DPP10: variants seen among roughly 807,000 people sequenced by gnomAD.
DPP10 encodes the protein dipeptidyl peptidase like 10, also known as inactive dipeptidyl peptidase 10.
DPP10 carries 33 observed loss-of-function variants against 120.9 expected under a neutral mutation model. That is an observed-to-expected ratio of 0.27 (90% CI 0.21 to 0.37). The LOEUF (loss-of-function observed/expected upper bound fraction) is 0.37, where lower values mean the gene tolerates loss of function less well. DPP10 is among the 10% of genes least tolerant of loss of function. DPP10 has a pLI of 1.00. For missense variants in DPP10, 816 were observed against 942.8 expected (o/e 0.87, Z 1.76); for synonymous variants, 337 against 326.1 (o/e 1.03, Z -0.36).
At chr2:115,232,160 C>T (rs1032775086) in intron 1 of DPP10, among the ~76,000 whole-genome samples, 1 of 152,046 alleles carries the variant, frequency 6.6e-6, no homozygotes, top group Non-Finnish European at 1.5e-5. Context: ...ACCTTGGCAT[C>T]GGAAGGCTCC....
chr2:114,494,115 A>AAAAAAAAAAAAC (rs1558810512), intron 1 of DPP10, among the ~76,000 whole-genome samples: 24 of 142,612 alleles, frequency 1.7e-4, no homozygotes, highest in South Asian at 2.2e-4. Flanking sequence ...AAAAAAAAAA[A>AAAAAAAAAAAAC]AAAAAACCCA....
At chr2:115,829,148 G>A (rs537186343) in intron 21 of DPP10, among the ~76,000 whole-genome samples, 4 of 152,186 alleles carry the variant, frequency 2.6e-5, no homozygotes, top group African/African-American at 9.6e-5. Flanking sequence ...CTATCAAAAG[G>A]CTAAATGAGT....
At chr2:115,263,790 T>C (rs2059349775) in intron 1 of DPP10, among the ~76,000 whole-genome samples, 1 of 152,206 alleles carries the variant, frequency 6.6e-6, no homozygotes, top group South Asian at 2.1e-4. Context: ...TTGCCTTCCT[T>C]ATATACATGT....
intron 1 of DPP10, among the ~76,000 whole-genome samples, chr2:114,910,218 A>G (rs1475852196): frequency 1.3e-5 from 2 of 151,934 alleles, no homozygotes; most frequent in Admixed American, 1.3e-4. Flanking sequence ...GCACAAATAT[A>G]TTAATATTAC....
At position 115,072,817 on chromosome 2, in the gene DPP10, C is replaced by G. The variant is rs558355719; in HGVS notation, c.61-236422C>G. Among the ~76,000 whole-genome samples the G allele has an allele frequency of 9.7e-4, 148 of 152,206 alleles. 1 individual carries two copies. In the Middle Eastern group the frequency reaches 0.021, roughly 21 times the overall value. ...TTTTTTTTTGAGACAGAGTCTCAGT[C>G]TGTCACCCAGGCTGGAGTGCAGTGG... On this transcript the variant is annotated intron_variant, in intron 1 of 25. Coordinates refer to ENST00000410059, the MANE Select transcript of DPP10 (RefSeq NM_020868.6).
At chr2:115,220,819 G>T (rs1332018668) in intron 1 of DPP10, among the ~76,000 whole-genome samples, 1 of 151,900 alleles carries the variant, frequency 6.6e-6, no homozygotes, top group Non-Finnish European at 1.5e-5. Context: ...GCCATGCACT[G>T]CACTACATAG....
At chr2:115,547,765 C>CA (rs566808076) in intron 5 of DPP10, among the ~76,000 whole-genome samples, 2,258 of 71,596 alleles carry the variant, frequency 0.032, 25 homozygotes, top group African/African-American at 0.048. Flanking sequence ...ATCCTATCTC[C>CA]AAAAAAAAAA....
intron 5 of DPP10, among the ~76,000 whole-genome samples, chr2:115,675,656 G>C (rs746938940): frequency 1.3e-5 from 2 of 152,158 alleles, no homozygotes; most frequent in Admixed American, 6.5e-5. Context: ...ACAGATACCT[G>C]CAATTCTAGC....
intron 2 of DPP10, among the ~76,000 whole-genome samples, chr2:115,329,706 G>A (rs1017689063): frequency 5.3e-5 from 8 of 151,972 alleles, no homozygotes; most frequent in East Asian, 1.9e-4. Context: ...TTGTCTTTGC[G>A]ACAGTTTGCT....
chr2:114,928,802 C>T (rs1032810869), intron 1 of DPP10, among the ~76,000 whole-genome samples: 5 of 152,190 alleles, frequency 3.3e-5, no homozygotes, highest in African/African-American at 9.7e-5. Context: ...CTCTTGCATT[C>T]TGGACATCTA....
intron 17 of DPP10, among the ~76,000 whole-genome samples, chr2:115,788,586 T>G (rs1683590413): frequency 6.6e-6 from 1 of 152,166 alleles, no homozygotes; most frequent in Non-Finnish European, 1.5e-5. Flanking sequence ...GATATTAGAA[T>G]GACAATAGTG....
At chr2:115,582,411 T>C (rs973473380) in intron 5 of DPP10, among the ~76,000 whole-genome samples, 1 of 152,198 alleles carries the variant, frequency 6.6e-6, no homozygotes, top group Non-Finnish European at 1.5e-5. Flanking sequence ...ATCAGGAAGC[T>C]GCTCATCACC....
chr2:115,029,417 A>T (rs1045864724), intron 1 of DPP10, among the ~76,000 whole-genome samples: 1 of 149,410 alleles, frequency 6.7e-6, no homozygotes, highest in Non-Finnish European at 1.5e-5. Flanking sequence ...TTACCAGTGG[A>T]TTTCTACCTG....
intron 5 of DPP10, among the ~76,000 whole-genome samples, chr2:115,609,637 T>C (rs2083955042): frequency 6.6e-6 from 1 of 152,152 alleles, no homozygotes; most frequent in South Asian, 2.1e-4. Flanking sequence ...TACCAGACCC[T>C]ACTGTGACAT....
intron 1 of DPP10, among the ~76,000 whole-genome samples, chr2:114,998,041 G>A (rs925558163): frequency 6.6e-6 from 1 of 152,166 alleles, no homozygotes; most frequent in African/African-American, 2.4e-5. Flanking sequence ...ACAGTCTGTA[G>A]TTGATTGGCA....
intron 1 of DPP10, among the ~76,000 whole-genome samples, chr2:115,218,692 G>A (rs947320254): frequency 1.3e-5 from 2 of 152,152 alleles, no homozygotes; most frequent in Admixed American, 1.3e-4. Context: ...CCTCTATAGA[G>A]TAGTGTATAC....
chr2:115,453,757 A>C (rs2073308265), intron 3 of DPP10, among the ~76,000 whole-genome samples: 1 of 151,536 alleles, frequency 6.6e-6, no homozygotes, highest in Non-Finnish European at 1.5e-5. Context: ...AGTTATTCAA[A>C]GCAAACAGAA....
At chr2:115,391,358 A>G (rs949369622) in intron 3 of DPP10, among the ~76,000 whole-genome samples, 2 of 152,138 alleles carry the variant, frequency 1.3e-5, no homozygotes, top group Non-Finnish European at 1.5e-5. Context: ...AGTGATCACA[A>G]TCTGAGATCA....
chr2:114,998,105 T>G (rs567895317), intron 1 of DPP10, among the ~76,000 whole-genome samples: 1 of 152,318 alleles, frequency 6.6e-6, no homozygotes, highest in Non-Finnish European at 1.5e-5. Context: ...AATCATCTTC[T>G]TACACTTATT....
Sources: allele counts gnomAD v4.1 joint callset (sites outside exome capture counted in the v4.1 genomes callset), GRCh38; gene constraint gnomAD v4.1.1; transcripts MANE v1.5; gene names NCBI Gene and HGNC (gene_info 2026-07-23, HGNC 2026-07-21).